Variants in TLN2 observed in about 807,000 individuals in gnomAD.
TLN2 encodes talin 2, also known as talin-2.
In TLN2, 118 loss-of-function variants were observed where a neutral mutation model predicts 294.7. The ratio of observed to expected loss-of-function variants is 0.40; its 90% confidence interval spans 0.34 to 0.47. The LOEUF is 0.47. Ranked by LOEUF, TLN2 falls within the 20% of genes least tolerant of loss-of-function variation. The pLI is 0.84. For missense variants in TLN2, 3,083 were observed against 3,282.2 expected (o/e 0.94, Z 1.48); for synonymous variants, 1,431 against 1,304.5 (o/e 1.10, Z -2.09).
At chr15:62,437,942 G>A (rs1289459221) in intron 1 of TLN2, among the ~76,000 whole-genome samples, 2 of 152,180 alleles carry the variant, frequency 1.3e-5, no homozygotes, top group South Asian at 2.1e-4. Context: ...AGACTTCTGG[G>A]TGTAGGAGGA....
intron 1 of TLN2, among the ~76,000 whole-genome samples, chr15:62,421,149 T>C (rs2034365742): frequency 6.6e-6 from 1 of 152,160 alleles, no homozygotes; most frequent in East Asian, 1.9e-4. Flanking sequence ...ACTCCCTTCC[T>C]CACCAGTTCA....
chr15:62,741,233 AT>A (rs1365432462), intron 32 of TLN2, among the ~76,000 whole-genome samples: 1 of 152,232 alleles, frequency 6.6e-6, no homozygotes, highest in Admixed American at 6.5e-5. Flanking sequence ...TGAATGTAAC[AT>A]GTTGTATCTG....
At chr15:62,546,442 T>C (rs1387288037) in intron 1 of TLN2, among the ~76,000 whole-genome samples, 1 of 152,210 alleles carries the variant, frequency 6.6e-6, no homozygotes, top group East Asian at 1.9e-4. Context: ...TTGTGCTGTG[T>C]TAATTTTGGT....
chr15:62,750,606 T>C, intron 34 of TLN2, 115 bp downstream of exon 34: 1 of 856,150 alleles, frequency 1.2e-6, no homozygotes, highest in Admixed American at 1.8e-5. Flanking sequence ...TAGCCACATG[T>C]AGCATGAAGC....
At chr15:62,657,158 G>GA (rs926095206) in intron 8 of TLN2, among the ~76,000 whole-genome samples, 9 of 151,156 alleles carry the variant, frequency 6.0e-5, no homozygotes, top group Admixed American at 2.6e-4. Context: ...AAAGGTGGGG[G>GA]GGGGAAGCAA....
At position 62,434,669 on chromosome 15, in the gene TLN2, A is replaced by G. The variant is rs917106124; in HGVS notation, c.-238+43984A>G. Among the ~76,000 whole-genome samples, 3 of 152,346 alleles carry G rather than the reference A, an allele frequency of 2.0e-5. No homozygotes were observed. In the East Asian group the frequency reaches 5.8e-4, roughly 29 times the overall value. On this transcript the variant is annotated intron_variant, in intron 1 of 58. Coordinates refer to ENST00000636159, the MANE Select transcript of TLN2 (RefSeq NM_015059.3). ...TGCCTGTTCCCAGGAGTCCTCGCCAACACAGTGTATTGTCAGACTGCCTAT... is the reference window on the plus strand; with the variant it reads ...TGCCTGTTCCCAGGAGTCCTCGCCAGCACAGTGTATTGTCAGACTGCCTAT...
At chr15:62,750,269 C>A in intron 33 of TLN2, 133 bp from the exon 34 acceptor site, 1 of 724,382 alleles carries the variant, frequency 1.4e-6, no homozygotes, top group Non-Finnish European at 2.4e-6. Flanking sequence ...TGTAAATTCT[C>A]AAACATCTGA....
intron 1 of TLN2, among the ~76,000 whole-genome samples, chr15:62,430,610 T>C (rs926825799): frequency 3.9e-5 from 6 of 152,206 alleles, no homozygotes; most frequent in Non-Finnish European, 8.8e-5. Flanking sequence ...TTCAGATGTA[T>C]AGTGGACAGA....
chr15:62,649,032 G>A (rs1335752124), intron 4 of TLN2, among the ~76,000 whole-genome samples: 7 of 151,842 alleles, frequency 4.6e-5, no homozygotes, highest in Non-Finnish European at 8.8e-5. Flanking sequence ...ATTTTTTGTA[G>A]ATACAAGGTC....
At position 62,770,968 on chromosome 15, in the gene TLN2, C is replaced by T. The variant is rs773690917; in HGVS notation, c.5201C>T (p.Thr1734Ile). Reference sequence around the variant, plus strand: ...TTTTTTTTTTTTTTTTGAAAGGTGACACAACTGGCAAGCTATTTTGAGCCC... The same window carrying T: ...TTTTTTTTTTTTTTTTGAAAGGTGATACAACTGGCAAGCTATTTTGAGCCC... ...GEAAQLGHKV[T>I]QLASYFEPLI... The change falls in exon 42 of 59, where the codon ACA becomes ATA. Residue 1734 changes from threonine to isoleucine, a missense_variant. Coordinates refer to ENST00000636159, the MANE Select transcript of TLN2 (RefSeq NM_015059.3). 1.9e-6 allele frequency: 3 copies of T among 1,541,688 alleles called. No homozygotes were observed. Among genetic ancestry groups the T allele is most frequent in the Non-Finnish European group, 2.6e-6 (3 of 1,150,898 alleles).
At chr15:62,467,485 G>A (rs2037205059) in intron 1 of TLN2, among the ~76,000 whole-genome samples, 1 of 152,132 alleles carries the variant, frequency 6.6e-6, no homozygotes, top group African/African-American at 2.4e-5. Flanking sequence ...CTGAGGTCAG[G>A]AGTTCGAGAC....
At chr15:62,737,134 T>A (rs763958181) in intron 29 of TLN2, 48 bp downstream of exon 29, 3 of 1,598,922 alleles carry the variant, frequency 1.9e-6, no homozygotes, top group Non-Finnish European at 2.6e-6. Flanking sequence ...ATCATTAACG[T>A]GGACATGTGG....
Position 62,805,757 on chromosome 15 carries a change from C to G in TLN2, c.6635C>G (p.Ala2212Gly). 6.2e-7 allele frequency: 1 copy of G among 1,613,942 alleles called. No individual in the cohort carries two copies. Residue 2212 changes from alanine (A) to glycine (G), a missense_variant, in exon 51 of 59, where the codon GCC (alanine) becomes GGC (glycine). Ala to Gly is a moderately conservative substitution (Grantham distance 60, BLOSUM62 0). Coordinates refer to ENST00000636159, the MANE Select transcript of TLN2 (RefSeq NM_015059.3). ...GCTACTGCCAACCTGAGCCGGAAAG[C>G]CGTGTCAGATATGTTGACGGCTTGC... is the stretch of plus-strand genomic sequence containing the variant. Reference protein sequence around the residue: ...VIATANLSRKAVSDMLTACKQ... With the variant: ...VIATANLSRKGVSDMLTACKQ...
At chr15:62,807,121 G>A (rs1018167464) in intron 51 of TLN2, among the ~76,000 whole-genome samples, 1 of 152,128 alleles carries the variant, frequency 6.6e-6, no homozygotes, top group East Asian at 1.9e-4. Context: ...CTTGCTAGAT[G>A]AGGGAGTTAG....
chr15:62,668,365 A>G (rs541922648), intron 9 of TLN2, among the ~76,000 whole-genome samples: 65 of 152,118 alleles, frequency 4.3e-4, no homozygotes, highest in Non-Finnish European at 7.5e-4. Flanking sequence ...CAAAATTGCA[A>G]CTCATCCTTC....
At chr15:62,678,620 C>G (rs1265034341) in intron 11 of TLN2, among the ~76,000 whole-genome samples, 1 of 152,190 alleles carries the variant, frequency 6.6e-6, no homozygotes, top group Non-Finnish European at 1.5e-5. Flanking sequence ...CACTTGAGGT[C>G]AGGAGTTCGA....
At chr15:62,678,764 G>T (rs1276506611) in intron 11 of TLN2, among the ~76,000 whole-genome samples, 1 of 152,202 alleles carries the variant, frequency 6.6e-6, no homozygotes, top group Non-Finnish European at 1.5e-5. Flanking sequence ...CTGGGAGGCA[G>T]AGGTTGCAGT....
chr15:62,722,914 T>G (rs2060232116), intron 26 of TLN2, among the ~76,000 whole-genome samples: 1 of 152,256 alleles, frequency 6.6e-6, no homozygotes, highest in African/African-American at 2.4e-5. Flanking sequence ...AAATCTATTT[T>G]GAAGTGTCAT....
At chr15:62,504,991 C>CTG (rs2039525946) in intron 1 of TLN2, among the ~76,000 whole-genome samples, 1 of 152,156 alleles carries the variant, frequency 6.6e-6, no homozygotes, top group African/African-American at 2.4e-5. Context: ...GAGTCTCACT[C>CTG]TGTTCCCCAG....
Sources: allele counts gnomAD v4.1 joint callset (sites outside exome capture counted in the v4.1 genomes callset), GRCh38; gene constraint gnomAD v4.1.1; transcripts MANE v1.5; gene names NCBI Gene and HGNC (gene_info 2026-07-23, HGNC 2026-07-21).